The following SH3RF3 variants were observed in gnomAD, a reference collection of about 807,000 sequenced individuals.
SH3RF3 encodes SH3 domain containing ring finger 3.
In SH3RF3, 29 loss-of-function variants were observed where a neutral mutation model predicts 66.3. That is an observed-to-expected ratio of 0.44 (90% CI 0.33 to 0.60). The LOEUF (loss-of-function observed/expected upper bound fraction) is 0.60, where lower values mean the gene tolerates loss of function less well. Among genes scored for constraint, SH3RF3 ranks in the 20% least tolerant of loss-of-function variants. The probability of loss-of-function intolerance (pLI) is 0.04; values close to 1 mark genes in which losing one functional copy is unlikely to be tolerated. For missense variants in SH3RF3, 1,194 were observed against 1,190.9 expected (o/e 1.00, Z -0.04); for synonymous variants, 583 against 532.0 (o/e 1.10, Z -1.32).
At chr2:109,498,918 G>GCAC (rs1480485482) in intron 9 of SH3RF3, among the ~76,000 whole-genome samples, 1 of 152,206 alleles carries the variant, frequency 6.6e-6, no homozygotes, top group East Asian at 1.9e-4. Flanking sequence ...TGAGGTGGGT[G>GCAC]CACCTGGGGT....
intron 1 of SH3RF3, among the ~76,000 whole-genome samples, chr2:109,274,286 T>C (rs771997347): frequency 1.3e-5 from 2 of 152,188 alleles, no homozygotes; most frequent in Non-Finnish European, 2.9e-5. Flanking sequence ...AATTCCTAGG[T>C]GTGTGCCCAA....
chr2:109,250,926 A>G (rs1276478350), intron 1 of SH3RF3, among the ~76,000 whole-genome samples: 1 of 152,152 alleles, frequency 6.6e-6, no homozygotes, highest in African/African-American at 2.4e-5. Context: ...TTATCTTTTT[A>G]AATTTCTAAA....
At chr2:109,344,645 A>G (rs1682642043) in intron 1 of SH3RF3, among the ~76,000 whole-genome samples, 1 of 152,206 alleles carries the variant, frequency 6.6e-6, no homozygotes, top group Non-Finnish European at 1.5e-5. Context: ...ACTGGGTGCA[A>G]GGAGAGATGA....
chr2:109,395,306 C>T (rs1419111648), intron 3 of SH3RF3, among the ~76,000 whole-genome samples: 3 of 152,196 alleles, frequency 2.0e-5, no homozygotes, highest in Non-Finnish European at 2.9e-5. Context: ...GCTTTCAGAA[C>T]GAAGACTGAC....
intron 4 of SH3RF3, among the ~76,000 whole-genome samples, chr2:109,415,020 G>A (rs114227322): frequency 5.5e-4 from 84 of 152,358 alleles, no homozygotes; most frequent in African/African-American, 1.8e-3. Context: ...GGGAAGCAGA[G>A]GCCAGAGTCA....
intron 1 of SH3RF3, among the ~76,000 whole-genome samples, chr2:109,312,777 C>T (rs950841019): frequency 2.6e-5 from 4 of 152,318 alleles, no homozygotes; most frequent in Non-Finnish European, 2.9e-5. Context: ...CATCTGCTGA[C>T]GGACATTGGG....
At chr2:109,130,688 T>A (rs893477152) in intron 1 of SH3RF3, among the ~76,000 whole-genome samples, 3 of 152,190 alleles carry the variant, frequency 2.0e-5, no homozygotes, top group Non-Finnish European at 4.4e-5. Flanking sequence ...CCTTTTGGAC[T>A]TGGCAGTGTC....
intron 8 of SH3RF3, among the ~76,000 whole-genome samples, chr2:109,488,869 G>T (rs1679050758): frequency 6.6e-6 from 1 of 152,242 alleles, no homozygotes; most frequent in African/African-American, 2.4e-5. Context: ...GTGAGGCAGA[G>T]GGGAGATAGG....
Position 109,419,567 on chromosome 2 carries a change from C to T in SH3RF3, c.1328C>T (p.Pro443Leu). ...QDVSSSAGST[P>L]TAVPRAASVS... ...GTCTCCTCCTCGGCGGGATCTACCC[C>T]CACGGCTGTCCCACGGGCTGCCTCG... Residue 443 changes from proline (P) to leucine (L), a missense_variant, in exon 5 of 10, where the codon CCC becomes CTC. By Grantham distance (98) the Pro-to-Leu change is moderately conservative (BLOSUM62 -3). Transcript: ENST00000309415. The T allele has an allele frequency of 6.3e-7, 1 of 1,598,720 alleles. No individual in the cohort carries two copies. Among genetic ancestry groups the T allele is most frequent in the Non-Finnish European group, 8.5e-7 (1 of 1,173,512 alleles).
chr2:109,221,076 A>G (rs964163748), intron 1 of SH3RF3, among the ~76,000 whole-genome samples: 1 of 152,270 alleles, frequency 6.6e-6, no homozygotes, highest in Non-Finnish European at 1.5e-5. Context: ...AGCCTTAGAA[A>G]GAAATGAAGT....
chr2:109,494,390 G>GC (rs1390366314), intron 9 of SH3RF3, among the ~76,000 whole-genome samples: 1 of 152,116 alleles, frequency 6.6e-6, no homozygotes, highest in Non-Finnish European at 1.5e-5. Context: ...CCCCAGAAGT[G>GC]CCCCCTCCCC....
chr2:109,466,072 CTT>C (rs1171998206), intron 8 of SH3RF3, among the ~76,000 whole-genome samples: 11 of 82,382 alleles, frequency 1.3e-4, no homozygotes, highest in African/African-American at 4.4e-4. Context: ...ACCTGTACAT[CTT>C]TTTTTTTTTT....
intron 1 of SH3RF3, among the ~76,000 whole-genome samples, chr2:109,312,054 A>G (rs1681741271): frequency 6.6e-6 from 1 of 152,146 alleles, no homozygotes; most frequent in Non-Finnish European, 1.5e-5. Flanking sequence ...GCAGTCAGCC[A>G]TAGACTAGGG....
intron 8 of SH3RF3, among the ~76,000 whole-genome samples, chr2:109,463,015 T>A (rs1273228030): frequency 6.6e-6 from 1 of 152,222 alleles, no homozygotes; most frequent in Non-Finnish European, 1.5e-5. Context: ...GGAGAAAGAT[T>A]AACAGTGTAA....
chr2:109,287,001 A>G (rs1681044152), intron 1 of SH3RF3, among the ~76,000 whole-genome samples: 1 of 152,150 alleles, frequency 6.6e-6, no homozygotes, highest in Admixed American at 6.5e-5. Context: ...GGGACGTGCA[A>G]CTGTCCCTGT....
chr2:109,457,205 G>A (rs766657170), intron 8 of SH3RF3, among the ~76,000 whole-genome samples: 1 of 152,156 alleles, frequency 6.6e-6, no homozygotes, highest in African/African-American at 2.4e-5. Context: ...AAAAGTATTA[G>A]AAATTATTAT....
intron 6 of SH3RF3, among the ~76,000 whole-genome samples, chr2:109,435,043 G>A (rs760615717): frequency 6.6e-6 from 1 of 152,078 alleles, no homozygotes; most frequent in Non-Finnish European, 1.5e-5. Context: ...AGCCCTCTTG[G>A]TCTGTGTTTT....
At chr2:109,480,050 A>AT (rs1190732875) in intron 8 of SH3RF3, among the ~76,000 whole-genome samples, 1 of 152,150 alleles carries the variant, frequency 6.6e-6, no homozygotes, top group African/African-American at 2.4e-5. Flanking sequence ...GTTGAGGACA[A>AT]TTGTCTAGAG....
chr2:109,389,458 G>C (rs1223313026), intron 3 of SH3RF3, among the ~76,000 whole-genome samples: 1 of 152,164 alleles, frequency 6.6e-6, no homozygotes, highest in Admixed American at 6.5e-5. Flanking sequence ...TAGAGAAATG[G>C]TCTGTGAAGC....
Sources: gnomAD v4.1 joint callset for allele counts (sites outside exome capture counted in the v4.1 genomes callset) on GRCh38, gnomAD v4.1.1 for gene constraint, MANE v1.5 for transcripts, NCBI Gene and HGNC (gene_info 2026-07-23, HGNC 2026-07-21) for gene names.